Variants in LPA observed in about 807,000 individuals in gnomAD.
LPA encodes lipoprotein(a), also known as apolipoprotein(a).
A neutral mutation model predicts 197.9 loss-of-function variants in LPA; 199 were observed. That is an observed-to-expected ratio of 1.01 (90% confidence interval 0.90 to 1.13). The LOEUF (loss-of-function observed/expected upper bound fraction) is 1.13, where lower values mean the gene tolerates loss of function less well. Ranked by LOEUF, LPA falls within the 50% of genes most tolerant of loss-of-function variation. LPA has a pLI of 0.00. For synonymous variants in LPA, 715 were observed against 639.5 expected (o/e 1.12, Z -1.78); for missense variants, 1,853 against 1,785.8 (o/e 1.04, Z -0.68).
chr6:160,533,631 A>G (rs1777840269), intron 37 of LPA, among the ~76,000 whole-genome samples: 3 of 152,198 alleles, frequency 2.0e-5, no homozygotes, highest in African/African-American at 4.8e-5. Context: ...AACATTGCCA[A>G]ATTATTCTCT....
chr6:160,596,655 GT>G (rs1779138491), intron 20 of LPA, among the ~76,000 whole-genome samples: 1 of 152,084 alleles, frequency 6.6e-6, no homozygotes, highest in Non-Finnish European at 1.5e-5. Context: ...GAAAATGAAA[GT>G]AAAAAGGGCC....
intron 36 of LPA, among the ~76,000 whole-genome samples, chr6:160,539,675 G>A (rs547160774): frequency 6.6e-6 from 1 of 152,184 alleles, no homozygotes; most frequent in Non-Finnish European, 1.5e-5. Context: ...GGTTTTTCAA[G>A]CGCTTTGAAA....
chr6:160,576,313 T>C (rs1472151743), intron 28 of LPA, among the ~76,000 whole-genome samples: 1 of 99,888 alleles, frequency 1.0e-5, no homozygotes, highest in Non-Finnish European at 1.9e-5. Context: ...TGTTTATACC[T>C]GTATGTATGT....
At chr6:160,538,101 C>A in intron 36 of LPA, 140 bp from the exon 37 acceptor site, 2 of 715,484 alleles carry the variant, frequency 2.8e-6, no homozygotes, top group Non-Finnish European at 5.1e-6. Context: ...CAATGTAGAA[C>A]ACAGCGTTTC....
intron 27 of LPA, 27 bp from the exon 28 acceptor site, chr6:160,577,322 C>T: frequency 6.2e-7 from 1 of 1,609,174 alleles, no homozygotes; most frequent in African/African-American, 1.3e-5. Context: ...ATAAATCATA[C>T]TCAGTAATTG....
intron 28 of LPA, among the ~76,000 whole-genome samples, chr6:160,571,921 A>G (rs1778569068): frequency 1.3e-5 from 2 of 152,180 alleles, no homozygotes; most frequent in African/African-American, 4.8e-5. Flanking sequence ...CCACTGGGGT[A>G]TGAAAAAAAA....
intron 27 of LPA, among the ~76,000 whole-genome samples, chr6:160,577,922 G>C (rs928481787): frequency 6.6e-6 from 1 of 152,154 alleles, no homozygotes; most frequent in Admixed American, 6.5e-5. Flanking sequence ...TGCCAATGCA[G>C]GTTTCATGAG....
rs1780041495 is a variant in LPA, at chr6:160,653,485, G to C, written c.50-2988C>G. Among the ~76,000 whole-genome samples, 6 of 104,738 alleles carry C rather than the reference G, an allele frequency of 5.7e-5. No individual in the cohort carries two copies. The Admixed American group carries it at 6.4e-4, about 11-fold the overall frequency. 68.7% of individuals were successfully genotyped at this position (104,738 alleles called of 152,430 possible). ...AGTCTTTTGAAGAGTACATGAAAGT[G>C]AGTTTTAGAACTCAATAATGAGTAA... On this transcript the variant is annotated intron_variant, in intron 1 of 38. Transcript: ENST00000316300.
chr6:160,547,809 A>G lies in LPA; in HGVS notation c.5284T>C (p.Trp1762Arg), dbSNP rs200506481. The G allele has an allele frequency of 2.2e-4, 357 of 1,613,908 alleles. No individual in the cohort carries two copies. The highest frequency in any genetic ancestry group is 2.9e-4 in the Non-Finnish European group (339 of 1,180,006). ...HSTFIPGTNK[W>R]AGLEKNYCRN... The stretch of plus-strand genomic sequence containing the variant: ...CTTACATTTTTTTCCAGACCTGCCC[A>G]TTTATTTGTCCCTGGAATGAACGTG... The change falls in exon 32 of 39, where the codon TGG becomes CGG. Residue 1762 changes from tryptophan (W) to arginine (R), a missense_variant. Trp to Arg is a moderately radical substitution (Grantham distance 101). Around this residue, in one of 3 missense-constraint regions of LPA, gnomAD observed 1,737 missense variants for 1,504.4 expected, o/e 1.15. Coordinates refer to ENST00000316300, the MANE Select transcript of LPA (RefSeq NM_005577.4).
At chr6:160,648,982 C>T (rs1371948854) in intron 2 of LPA, among the ~76,000 whole-genome samples, 1 of 152,168 alleles carries the variant, frequency 6.6e-6, no homozygotes, top group Non-Finnish European at 1.5e-5. Context: ...TTAGGCCTCA[C>T]ACTGTGGATA....
At chr6:160,573,379 G>A in intron 28 of LPA, among the ~76,000 whole-genome samples, 1 of 149,454 alleles carries the variant, frequency 6.7e-6, no homozygotes. Context: ...ATTGGGCTTT[G>A]CCTTTCTCTG....
chr6:160,655,427 C>A (rs968216103), intron 1 of LPA, among the ~76,000 whole-genome samples: 2 of 152,188 alleles, frequency 1.3e-5, no homozygotes, highest in African/African-American at 2.4e-5. Context: ...TTCACAGCAG[C>A]CTGGACCTGT....
intron 2 of LPA, among the ~76,000 whole-genome samples, chr6:160,647,922 A>G (rs1328796914): frequency 1.3e-5 from 2 of 152,240 alleles, no homozygotes; most frequent in African/African-American, 4.8e-5. Flanking sequence ...TCTTCATTAT[A>G]TAGGCTGCAG....
At chr6:160,572,759 C>T (rs1178437100) in intron 28 of LPA, among the ~76,000 whole-genome samples, 3 of 152,144 alleles carry the variant, frequency 2.0e-5, no homozygotes, top group African/African-American at 7.2e-5. Flanking sequence ...TTGTACAGTT[C>T]CTGCTGAAAA....
intron 16 of LPA, among the ~76,000 whole-genome samples, chr6:160,611,359 C>A (rs771910892): frequency 5.9e-5 from 9 of 152,126 alleles, no homozygotes; most frequent in East Asian, 1.9e-4. Flanking sequence ...CCTTCTGCTC[C>A]ACAAAACTAG....
chr6:160,569,925 C>G (rs187397328), intron 28 of LPA, among the ~76,000 whole-genome samples: 1 of 152,092 alleles, frequency 6.6e-6, no homozygotes, highest in South Asian at 2.1e-4. Flanking sequence ...CAAATCAAAA[C>G]CACAATGAGA....
chr6:160,566,394 C>T (rs968076739), intron 28 of LPA, among the ~76,000 whole-genome samples: 29 of 152,150 alleles, frequency 1.9e-4, no homozygotes, highest in Non-Finnish European at 3.4e-4. Flanking sequence ...CCAAACTAAG[C>T]TTCATAAGTG....
intron 25 of LPA, 34 bp from the exon 26 acceptor site, chr6:160,585,239 G>T (rs1778887633): frequency 1.2e-6 from 2 of 1,611,598 alleles, no homozygotes; most frequent in African/African-American, 2.7e-5. Flanking sequence ...GCTCAGTATT[G>T]CCTAGAAAAG....
At chr6:160,605,266 C>A in intron 17 of LPA, 61 bp from the exon 18 acceptor site, 1 of 1,588,304 alleles carries the variant, frequency 6.3e-7, no homozygotes, top group Non-Finnish European at 8.6e-7. Context: ...ACATGTGAAG[C>A]CACTTATGGC....
Sources: allele counts gnomAD v4.1 joint callset (sites outside exome capture counted in the v4.1 genomes callset), GRCh38; gene constraint gnomAD v4.1.1; regional missense constraint gnomAD v4.1.1; transcripts MANE v1.5; gene names NCBI Gene and HGNC (gene_info 2026-07-23, HGNC 2026-07-21).